Variants in MEF2A observed in about 807,000 individuals in gnomAD.
MEF2A encodes the protein myocyte-specific enhancer factor 2A.
In MEF2A, 28 loss-of-function variants were observed where a neutral mutation model predicts 55.8. The ratio of observed to expected loss-of-function variants is 0.50; its 90% CI spans 0.37 to 0.69. MEF2A has a LOEUF of 0.69. Among genes scored for constraint, MEF2A ranks in the 30% least tolerant of loss-of-function variants. The pLI, the probability that MEF2A is intolerant of heterozygous loss-of-function variation, is 0.00. For missense variants in MEF2A, 528 were observed against 626.2 expected, an observed-to-expected ratio of 0.84 and a Z score of 1.67; for synonymous variants, 239 against 227.1, an observed-to-expected ratio of 1.05 and a Z score of -0.47.
chr15:99,703,769 G>A (rs944705995), intron 9 of MEF2A, among the ~76,000 whole-genome samples: 3 of 152,010 alleles, frequency 2.0e-5, no homozygotes, highest in African/African-American at 7.2e-5. Flanking sequence ...ACGATGTTGT[G>A]TTGTTTCTCT....
intron 1 of MEF2A, among the ~76,000 whole-genome samples, chr15:99,584,061 GC>G (rs555470868): frequency 2.0e-4 from 31 of 152,056 alleles, no homozygotes; most frequent in Non-Finnish European, 4.1e-4. Context: ...ACATAGTAGT[GC>G]GTATTCGTGT....
chr15:99,610,411 G>C (rs28557165), intron 2 of MEF2A, among the ~76,000 whole-genome samples: 15,575 of 69,694 alleles, frequency 0.22, 28 homozygotes, highest in Non-Finnish European at 0.25. Context: ...GGTCTCCCCC[G>C]CCCCCCCCCC....
chr15:99,602,653 GGTGTGTGTGTGTGTGTGTGTGTGTGT>G (rs773502316), intron 2 of MEF2A, among the ~76,000 whole-genome samples: 2 of 44,840 alleles, frequency 4.5e-5, no homozygotes, highest in African/African-American at 7.1e-5. Flanking sequence ...ACATTCCTGG[GGTGTGTGTGTGTGTGTGTGTGTGTGT>G]GTGTGTGTGT....
intron 3 of MEF2A, among the ~76,000 whole-genome samples, chr15:99,635,875 G>A (rs973241680): frequency 1.3e-5 from 2 of 152,132 alleles, no homozygotes; most frequent in Non-Finnish European, 2.9e-5. Context: ...GTACTATTAT[G>A]AAGACTGTAA....
chr15:99,569,021 T>G (rs151002806), intron 1 of MEF2A, among the ~76,000 whole-genome samples: 1 of 152,230 alleles, frequency 6.6e-6, no homozygotes, highest in Non-Finnish European at 1.5e-5. Context: ...TAAGTGTAAA[T>G]ATGGAAATCA....
At chr15:99,608,224 C>CA (rs1008655571) in intron 2 of MEF2A, among the ~76,000 whole-genome samples, 4 of 151,038 alleles carry the variant, frequency 2.6e-5, no homozygotes, top group African/African-American at 7.3e-5. Context: ...ATTGACATTA[C>CA]AAAAAAAAAT....
At chr15:99,684,083 G>GTA (rs150186545) in intron 7 of MEF2A, among the ~76,000 whole-genome samples, 119 of 151,534 alleles carry the variant, frequency 7.9e-4, no homozygotes, top group Admixed American at 1.3e-3. Flanking sequence ...GTACATATAT[G>GTA]TATATATATA....
rs185816133 is a variant in MEF2A, at chr15:99,603,051, T to C, written c.-143+4540T>C. Among the ~76,000 whole-genome samples, 5 of 152,284 alleles carry C rather than the reference T, an allele frequency of 3.3e-5. No homozygotes were observed. The East Asian group carries it at 7.7e-4, about 23-fold the overall frequency. ...AGAATCTGTAGTGATATTCCCTCTTTCGTTGCTGATATTTGCAAACTTCCT... is the reference window on the plus strand; with the variant it reads ...AGAATCTGTAGTGATATTCCCTCTTCCGTTGCTGATATTTGCAAACTTCCT... On this transcript the variant is annotated intron_variant, in intron 2 of 11. Transcript: ENST00000557942.
chr15:99,616,093 C>A (rs1290579424), intron 2 of MEF2A, among the ~76,000 whole-genome samples: 1 of 151,422 alleles, frequency 6.6e-6, no homozygotes, highest in African/African-American at 2.4e-5. Flanking sequence ...CAGACTAGTT[C>A]TTAAAAAAAA....
chr15:99,681,775 T>C (rs538977585), intron 7 of MEF2A: 35 of 152,304 alleles, frequency 2.3e-4, no homozygotes, highest in African/African-American at 7.7e-4. Flanking sequence ...ATCTTTATTA[T>C]TTTATTTTAT....
At chr15:99,597,357 C>G (rs151162009) in intron 1 of MEF2A, among the ~76,000 whole-genome samples, 1 of 152,088 alleles carries the variant, frequency 6.6e-6, no homozygotes, top group African/African-American at 2.4e-5. Context: ...TCTCCCATAG[C>G]GCTCCCAGGC....
In MEF2A at chr15:99,713,951, G is replaced by A. The variant is rs964711539; in HGVS notation, c.*1180G>A. Reference sequence around the variant, plus strand: ...ATTTTTGTGGATTGCCGCCAATCTGGGGGGAAAAGGCGAGGTCCTTTATTA... The same window carrying A: ...ATTTTTGTGGATTGCCGCCAATCTGAGGGGAAAAGGCGAGGTCCTTTATTA... On this transcript the variant is annotated 3_prime_UTR_variant, in exon 12 of 12. Transcript: ENST00000557942. 1.2e-4 allele frequency: 18 copies of A among 152,276 alleles called. No individual in the cohort carries two copies. Among genetic ancestry groups the A allele is most frequent in the African/African-American group, 4.1e-4 (17 of 41,536 alleles). 9.4% of individuals were successfully genotyped at this position (152,276 alleles called of 1,614,324 possible). A position where few individuals can be genotyped will look rare whatever the true frequency, so the allele number is the denominator to read the frequency against.
At chr15:99,570,015 T>C (rs1961464082) in intron 1 of MEF2A, among the ~76,000 whole-genome samples, 1 of 151,730 alleles carries the variant, frequency 6.6e-6, no homozygotes, top group South Asian at 2.1e-4. Context: ...TATAGATGCT[T>C]TATACTTTAA....
intron 7 of MEF2A, among the ~76,000 whole-genome samples, chr15:99,677,755 C>T (rs1458905383): frequency 6.6e-6 from 1 of 152,044 alleles, no homozygotes; most frequent in East Asian, 1.9e-4. Flanking sequence ...TAATGCTGTG[C>T]TTTATGAGAA....
At chr15:99,575,969 G>A (rs1283141461) in intron 1 of MEF2A, among the ~76,000 whole-genome samples, 1 of 152,138 alleles carries the variant, frequency 6.6e-6, no homozygotes, top group East Asian at 1.9e-4. Context: ...GTTTTAACAT[G>A]CCCCCATCAT....
Position 99,692,247 on chromosome 15 carries a change from G to A in MEF2A, c.858+1819G>A, listed in dbSNP as rs1185877679. ...GTAGAGATGTGGAAACTGAGTTAAA[G>A]GTTATTACTTGTCCAAGATAGTTCA... On this transcript the variant is annotated intron_variant, in intron 8 of 11. Coordinates refer to ENST00000557942, the MANE Select transcript of MEF2A (RefSeq NM_001319206.4). 4.6e-5 allele frequency among the ~76,000 whole-genome samples: 7 copies of A among 152,150 alleles called. No individual in the cohort carries two copies. In the South Asian group the frequency reaches 6.2e-4, roughly 14 times the overall value.
At chr15:99,696,008 C>G (rs1312633427) in intron 8 of MEF2A, among the ~76,000 whole-genome samples, 1 of 152,120 alleles carries the variant, frequency 6.6e-6, no homozygotes, top group Non-Finnish European at 1.5e-5. Flanking sequence ...AGCTTCACAA[C>G]AAGGAAGAGT....
In MEF2A at chr15:99,671,347, G is replaced by C. The variant is rs1192947588; in HGVS notation, c.283G>C (p.Gly95Arg). 1 of 1,611,842 alleles carries C rather than the reference G, an allele frequency of 6.2e-7. No homozygotes were observed. Among genetic ancestry groups the C allele is most frequent in the East Asian group, 2.2e-5 (1 of 44,834 alleles). ...VETLRKKGLN[G>R]CESPDADDYF... ...GACTTTAAGAAAGAAAGGCCTTAAT[G>C]GTTGTGAGAGCCCTGATGCTGACGA... The change falls in exon 5 of 12, where the codon GGT (glycine) becomes CGT (arginine). Residue 95 changes from glycine (G) to arginine (R), a missense_variant. Gly to Arg is a moderately radical substitution (Grantham distance 125). Coordinates refer to ENST00000557942, the MANE Select transcript of MEF2A (RefSeq NM_001319206.4).
chr15:99,662,501 G>A (rs1178667807), intron 4 of MEF2A, among the ~76,000 whole-genome samples: 1 of 148,374 alleles, frequency 6.7e-6, no homozygotes, highest in Non-Finnish European at 1.5e-5. Flanking sequence ...TTGAGACAGA[G>A]TCTTGTTCTG....
Sources: allele counts gnomAD v4.1 joint callset (sites outside exome capture counted in the v4.1 genomes callset), GRCh38; gene constraint gnomAD v4.1.1; transcripts MANE v1.5; gene names NCBI Gene and HGNC (gene_info 2026-07-23, HGNC 2026-07-21).